The following DNAH11 variants were observed in gnomAD, a reference collection of about 807,000 sequenced individuals.
The protein encoded by DNAH11 is dynein axonemal heavy chain 11.
Under a neutral mutation model 526.0 loss-of-function variants are expected in DNAH11, and 442 were observed. The ratio of observed to expected loss-of-function variants is 0.84; its 90% CI spans 0.78 to 0.91. The LOEUF (loss-of-function observed/expected upper bound fraction) is 0.91, where lower values mean the gene tolerates loss of function less well. DNAH11 is among the 40% of genes least tolerant of loss of function. The probability of loss-of-function intolerance (pLI) is 0.00; values close to 1 mark genes in which losing one functional copy is unlikely to be tolerated. For missense variants in DNAH11, 6,989 were observed against 5,448.7 expected, an observed-to-expected ratio of 1.28 and a Z score of -8.90; for synonymous variants, 2,461 against 1,935.9, an observed-to-expected ratio of 1.27 and a Z score of -7.12.
chr7:21,571,363 C>T (rs184907836), intron 7 of DNAH11, among the ~76,000 whole-genome samples: 7 of 152,234 alleles, frequency 4.6e-5, no homozygotes, highest in Non-Finnish European at 7.4e-5. Context: ...TCACTGCAGC[C>T]TTGACCTCCT....
intron 64 of DNAH11, 111 bp downstream of exon 64, chr7:21,816,813 A>G (rs912763809): frequency 2.4e-6 from 2 of 825,204 alleles, no homozygotes; most frequent in Non-Finnish European, 3.8e-6. Flanking sequence ...ATGTATTACA[A>G]TTTGGTGCTA....
chr7:21,588,374 C>G lies in DNAH11; in HGVS notation c.1849-138C>G, dbSNP rs59780728. On this transcript the variant is annotated intron_variant, in intron 10 of 81. Coordinates refer to ENST00000409508, the MANE Select transcript of DNAH11 (RefSeq NM_001277115.2). ...GTAAACTTGCTTTAGGACTGTAACT[C>G]TTCTAGTAATCAAGTGATTAAACAC... is the stretch of plus-strand genomic sequence containing the variant. The G allele has an allele frequency of 4.3e-5, 57 of 1,328,626 alleles. No homozygotes were observed. In the East Asian group the frequency reaches 1.2e-3, roughly 28 times the overall value. 82.3% of individuals were successfully genotyped at this position (1,328,626 alleles called of 1,614,324 possible).
intron 36 of DNAH11, among the ~76,000 whole-genome samples, chr7:21,702,233 T>A (rs1583608160): frequency 6.6e-6 from 1 of 152,300 alleles, no homozygotes; most frequent in East Asian, 1.9e-4. Context: ...TTTATTATAT[T>A]ATGTGCTGGC....
At chr7:21,641,163 C>A (rs180688748) in intron 28 of DNAH11, among the ~76,000 whole-genome samples, 1 of 152,184 alleles carries the variant, frequency 6.6e-6, no homozygotes, top group Non-Finnish European at 1.5e-5. Flanking sequence ...GATGTCCAAA[C>A]AAGGGGCACA....
intron 20 of DNAH11, among the ~76,000 whole-genome samples, chr7:21,610,382 A>C (rs1344664545): frequency 2.0e-5 from 3 of 152,210 alleles, no homozygotes; most frequent in Non-Finnish European, 4.4e-5. Flanking sequence ...AGGAAATTGA[A>C]ATGGTTACAA....
chr7:21,618,628 T>C (rs948866477), intron 23 of DNAH11, among the ~76,000 whole-genome samples: 2 of 152,202 alleles, frequency 1.3e-5, no homozygotes, highest in African/African-American at 4.8e-5. Context: ...AAGACTATTT[T>C]TTTTGCCAAT....
intron 1 of DNAH11, among the ~76,000 whole-genome samples, 168 bp from the exon 2 acceptor site, chr7:21,544,838 T>C (rs1782746296): frequency 6.6e-6 from 1 of 152,148 alleles, no homozygotes. Context: ...AAGAAAACTG[T>C]ATACTCGCTG....
At chr7:21,801,406 A>G (rs1788989544) in intron 62 of DNAH11, 131 bp downstream of exon 62, 2 of 1,252,222 alleles carry the variant, frequency 1.6e-6, no homozygotes, top group Non-Finnish European at 1.1e-6. Flanking sequence ...ATAATCACTC[A>G]TCCTGTGGCT....
chr7:21,748,646 T>C lies in DNAH11; in HGVS notation c.8577T>C (p.Ser2859=), dbSNP rs373450811. ...GCALLVGVGG[S]GKQSLSRLAA... ...CTCTCTTGGTTGGAGTTGGGGGCAGTGGCAAGCAGAGCTTGTCCAGGCTGG... is the reference window on the plus strand; with the variant it reads ...CTCTCTTGGTTGGAGTTGGGGGCAGCGGCAAGCAGAGCTTGTCCAGGCTGG... Residue 2859 remains serine (S), a synonymous_variant, in exon 52 of 82, where the codon AGT becomes AGC. Coordinates refer to ENST00000409508, the MANE Select transcript of DNAH11 (RefSeq NM_001277115.2). 36 of 1,613,336 alleles carry C rather than the reference T, an allele frequency of 2.2e-5. No individual in the cohort carries two copies. Among genetic ancestry groups the C allele is most frequent in the Non-Finnish European group, 2.8e-5 (33 of 1,179,538 alleles).
intron 2 of DNAH11, among the ~76,000 whole-genome samples, chr7:21,545,855 A>G (rs1274890039): frequency 6.6e-6 from 1 of 152,218 alleles, no homozygotes; most frequent in Non-Finnish European, 1.5e-5. Flanking sequence ...CCAAATAACC[A>G]GGTTCCATGG....
intron 45 of DNAH11, among the ~76,000 whole-genome samples, chr7:21,735,355 G>T (rs998987397): frequency 2.6e-5 from 4 of 152,096 alleles, no homozygotes; most frequent in African/African-American, 9.7e-5. Flanking sequence ...GGAGCCTTGG[G>T]GGCTAGTACT....
chr7:21,637,530 A>AT, intron 26 of DNAH11, 81 bp from the exon 27 acceptor site: 1 of 990,314 alleles, frequency 1.0e-6, no homozygotes, highest in Non-Finnish European at 1.6e-6. Flanking sequence ...TTTGTTCTTC[A>AT]TTTTTTTAAT....
intron 14 of DNAH11, among the ~76,000 whole-genome samples, chr7:21,598,777 C>T (rs1487289995): frequency 6.6e-6 from 1 of 152,018 alleles, no homozygotes; most frequent in Non-Finnish European, 1.5e-5. Context: ...TGTGTTGTGC[C>T]CCTCTATGTG....
chr7:21,606,781 A>T (rs901136372), intron 20 of DNAH11, 48 bp downstream of exon 20: 8 of 1,473,172 alleles, frequency 5.4e-6, no homozygotes, highest in Admixed American at 2.0e-5. Flanking sequence ...AGCTACTTTA[A>T]AAAATGTAAG....
intron 70 of DNAH11, 125 bp from the exon 71 acceptor site, chr7:21,866,345 A>T: frequency 1.3e-6 from 1 of 746,332 alleles, no homozygotes; most frequent in Non-Finnish European, 2.0e-6. Flanking sequence ...AGGAAATCTG[A>T]AGAGGAGAGT....
chr7:21,551,195 CCTT>C (rs370810032), intron 2 of DNAH11, among the ~76,000 whole-genome samples: 14 of 152,282 alleles, frequency 9.2e-5, no homozygotes, highest in African/African-American at 3.4e-4. Flanking sequence ...TCTAATTCTT[CCTT>C]CTTCTCTCTG....
intron 73 of DNAH11, among the ~76,000 whole-genome samples, chr7:21,869,846 A>C (rs2128036373): frequency 6.6e-6 from 1 of 152,176 alleles, no homozygotes; most frequent in Admixed American, 6.5e-5. Context: ...TGGTTCTCCC[A>C]CCCAGTGTCC....
At chr7:21,686,275 T>A (rs1783371372) in intron 32 of DNAH11, among the ~76,000 whole-genome samples, 1 of 152,194 alleles carries the variant, frequency 6.6e-6, no homozygotes, top group African/African-American at 2.4e-5. Context: ...TATTTAAGAT[T>A]AGCATCTGAT....
chr7:21,683,349 G>C (rs1044588151), intron 31 of DNAH11, among the ~76,000 whole-genome samples: 1 of 152,176 alleles, frequency 6.6e-6, no homozygotes, highest in Admixed American at 6.5e-5. Context: ...GAAAATCTCT[G>C]TACTAAAAGC....
Sources: gnomAD v4.1 joint callset for allele counts (sites outside exome capture counted in the v4.1 genomes callset) on GRCh38, gnomAD v4.1.1 for gene constraint, MANE v1.5 for transcripts, NCBI Gene and HGNC (gene_info 2026-07-23, HGNC 2026-07-21) for gene names.